Variants in TRAPPC9 observed in about 807,000 individuals in gnomAD.
TRAPPC9 encodes the protein IKK2 binding protein.
In TRAPPC9, 83 loss-of-function variants were observed where a neutral mutation model predicts 124.0. The observed-to-expected ratio is 0.67, with a 90% CI of 0.56 to 0.80. The LOEUF (loss-of-function observed/expected upper bound fraction) is 0.80, where lower values mean the gene tolerates loss of function less well. Ranked by LOEUF, TRAPPC9 falls within the 30% of genes least tolerant of loss-of-function variation. The pLI, the probability that TRAPPC9 is intolerant of heterozygous loss-of-function variation, is 0.00. For synonymous variants in TRAPPC9, 638 were observed against 617.5 expected (o/e 1.03, Z -0.49); for missense variants, 1,302 against 1,508.3 (o/e 0.86, Z 2.27).
chr8:140,073,809 A>C (rs1843334691), intron 17 of TRAPPC9, among the ~76,000 whole-genome samples: 1 of 152,216 alleles, frequency 6.6e-6, no homozygotes, highest in Non-Finnish European at 1.5e-5. Context: ...GAAGCTGTTA[A>C]TGGATGTGTG....
chr8:140,116,934 C>T (rs746455179), intron 17 of TRAPPC9, among the ~76,000 whole-genome samples: 23 of 151,778 alleles, frequency 1.5e-4, no homozygotes, highest in South Asian at 6.3e-4. Context: ...AGTGAGTAGG[C>T]GGAGTTCAGT....
chr8:139,787,808 A>G (rs1822375824), intron 21 of TRAPPC9, among the ~76,000 whole-genome samples: 1 of 152,112 alleles, frequency 6.6e-6, no homozygotes, highest in African/African-American at 2.4e-5. Flanking sequence ...CCACAGGAAG[A>G]CGGCTCCCAG....
At chr8:140,089,148 A>G (rs1390816943) in intron 17 of TRAPPC9, among the ~76,000 whole-genome samples, 2 of 152,204 alleles carry the variant, frequency 1.3e-5, no homozygotes, top group Non-Finnish European at 2.9e-5. Context: ...TGGGCTGTAC[A>G]AGTTTCTCCT....
chr8:139,967,824 CTTTG>C (rs945949147), intron 19 of TRAPPC9, among the ~76,000 whole-genome samples: 9 of 152,148 alleles, frequency 5.9e-5, no homozygotes, highest in Non-Finnish European at 1.0e-4. Context: ...AAAAAGCACG[CTTTG>C]TTTTTGTTTT....
rs571360525 is a variant in TRAPPC9, at chr8:139,930,225, G to A, written c.2811-19925C>T. On this transcript the variant is annotated intron_variant, in intron 19 of 22. Coordinates refer to ENST00000438773, the MANE Select transcript of TRAPPC9 (RefSeq NM_001160372.4). ...TAAGCCTTCTACGCACTATCTTAAT[G>A]CATGTTTACCCCTCCATCCCAACTC... 7.9e-5 allele frequency among the ~76,000 whole-genome samples: 12 copies of A among 152,334 alleles called. No homozygotes were observed. In the South Asian group the frequency reaches 1.0e-3, roughly 13 times the overall value.
chr8:139,939,692 C>T (rs2131434876), intron 19 of TRAPPC9, among the ~76,000 whole-genome samples: 1 of 152,356 alleles, frequency 6.6e-6, no homozygotes. Flanking sequence ...TCAGCAAGTG[C>T]TCCCACCTTC....
At chr8:140,230,950 T>C (rs546631312) in intron 16 of TRAPPC9, among the ~76,000 whole-genome samples, 1 of 151,926 alleles carries the variant, frequency 6.6e-6, no homozygotes, top group East Asian at 1.9e-4. Flanking sequence ...TTTTAGGGGG[T>C]CCCTCTGACT....
chr8:140,215,830 C>T (rs1311494377), intron 17 of TRAPPC9: 1 of 152,210 alleles, frequency 6.6e-6, no homozygotes, highest in African/African-American at 2.4e-5. Flanking sequence ...AGACCCCAAT[C>T]CATAAACGTC....
Position 140,275,835 on chromosome 8 carries a change from A to G in TRAPPC9, c.2115-14T>C, listed in dbSNP as rs1588074208. On this transcript the variant is annotated splice_polypyrimidine_tract_variant and intron_variant, in intron 14 of 22. Transcript: ENST00000438773. Reference sequence around the variant, plus strand: ...GAATGTGCAGATCTAAAATAAGAAGAAGAAATTTAAAGAAGAAAGAAGGAA... The same window carrying G: ...GAATGTGCAGATCTAAAATAAGAAGGAGAAATTTAAAGAAGAAAGAAGGAA... 6 of 1,602,288 alleles carry G rather than the reference A, an allele frequency of 3.7e-6. No homozygotes were observed. The African/African-American group carries it at 4.0e-5, about 11-fold the overall frequency.
chr8:140,100,295 T>G (rs1437826224), intron 17 of TRAPPC9: 5 of 151,236 alleles, frequency 3.3e-5, no homozygotes, highest in African/African-American at 1.2e-4. Flanking sequence ...ATCCCTACAA[T>G]CCGCAGGGTA....
At chr8:140,163,307 G>A (rs2061781006) in intron 17 of TRAPPC9, among the ~76,000 whole-genome samples, 1 of 152,218 alleles carries the variant, frequency 6.6e-6, no homozygotes, top group African/African-American at 2.4e-5. Context: ...TGGGCTGTGA[G>A]TGCCTTGAAG....
chr8:139,949,917 A>G (rs1834529436), intron 19 of TRAPPC9, among the ~76,000 whole-genome samples: 1 of 152,274 alleles, frequency 6.6e-6, no homozygotes, highest in Non-Finnish European at 1.5e-5. Context: ...ATTACATCTC[A>G]ATAAAACTGT....
At chr8:140,149,832 A>G (rs541073897) in intron 17 of TRAPPC9, among the ~76,000 whole-genome samples, 1 of 7,696 alleles carries the variant, frequency 1.3e-4, no homozygotes, top group Admixed American at 1.4e-3. Context: ...ATGAAGTACG[A>G]GTGCGAGCAG....
chr8:140,449,553 G>A (rs563821167), intron 2 of TRAPPC9, among the ~76,000 whole-genome samples: 1 of 152,352 alleles, frequency 6.6e-6, no homozygotes, highest in East Asian at 1.9e-4. Context: ...CAGGCAAGAT[G>A]GGAAGCTGAC....
chr8:140,100,625 C>T (rs2060561137), intron 17 of TRAPPC9: 1 of 152,694 alleles, frequency 6.5e-6, no homozygotes, highest in African/African-American at 2.4e-5. Context: ...CCATTGGGGC[C>T]TCCTTGTTGG....
chr8:139,883,135 T>C (rs11985006), intron 21 of TRAPPC9, among the ~76,000 whole-genome samples: 2,554 of 151,930 alleles, frequency 0.017, 95 homozygotes, highest in African/African-American at 0.058. Flanking sequence ...TTCTCATGGG[T>C]GGGAAAATGG....
At chr8:140,016,033 TCCTC>T (rs1839442090) in intron 18 of TRAPPC9, among the ~76,000 whole-genome samples, 1 of 152,206 alleles carries the variant, frequency 6.6e-6, no homozygotes. Flanking sequence ...CCTCTCCTGT[TCCTC>T]CCACTGTGGG....
intron 19 of TRAPPC9, among the ~76,000 whole-genome samples, chr8:139,917,713 C>T (rs951943890): frequency 6.6e-6 from 1 of 152,188 alleles, no homozygotes; most frequent in African/African-American, 2.4e-5. Flanking sequence ...AAAATAAGGT[C>T]GCTTGCCCAA....
chr8:140,034,476 A>T (rs1355382104), intron 17 of TRAPPC9, among the ~76,000 whole-genome samples: 1 of 152,200 alleles, frequency 6.6e-6, no homozygotes, highest in African/African-American at 2.4e-5. Context: ...AACAGCACGG[A>T]GCACGTTCCC....
Sources: gnomAD v4.1 joint callset for allele counts (sites outside exome capture counted in the v4.1 genomes callset) on GRCh38, gnomAD v4.1.1 for gene constraint, MANE v1.5 for transcripts, NCBI Gene and HGNC (gene_info 2026-07-23, HGNC 2026-07-21) for gene names.